The following PRMT8 variants were observed in gnomAD, a reference collection of about 807,000 sequenced individuals.
The protein encoded by PRMT8 is protein arginine methyltransferase 8, also known as protein arginine N-methyltransferase 8.
PRMT8 carries 7 observed loss-of-function variants against 47.1 expected under a neutral mutation model. That is an observed-to-expected ratio of 0.15 (90% confidence interval 0.08 to 0.28). The LOEUF (loss-of-function observed/expected upper bound fraction) is 0.28. Ranked by LOEUF, PRMT8 falls within the 10% of genes least tolerant of loss-of-function variation. PRMT8 has a pLI of 1.00. For synonymous variants in PRMT8, 188 were observed against 186.5 expected (o/e 1.01, Z -0.07); for missense variants, 237 against 505.4 (o/e 0.47, Z 5.09).
intron 1 of PRMT8, among the ~76,000 whole-genome samples, chr12:3,443,190 G>A (rs910002717): frequency 1.3e-5 from 2 of 152,150 alleles, no homozygotes; most frequent in Non-Finnish European, 2.9e-5. Flanking sequence ...GGATGCTGCC[G>A]ATGTTTTTCC....
chr12:3,464,899 T>TG (rs1865076802), intron 1 of PRMT8, among the ~76,000 whole-genome samples: 1 of 151,968 alleles, frequency 6.6e-6, no homozygotes, highest in African/African-American at 2.4e-5. Context: ...CCGAGGTGGG[T>TG]GGATCACCTG....
At chr12:3,472,669 G>A (rs1313464984) in intron 1 of PRMT8, among the ~76,000 whole-genome samples, 11 of 152,170 alleles carry the variant, frequency 7.2e-5, no homozygotes, top group Admixed American at 5.2e-4. Flanking sequence ...TCATTAGGCT[G>A]ACTCAAAGGG....
chr12:3,509,082 C>G (rs930187259), intron 1 of PRMT8, among the ~76,000 whole-genome samples: 4 of 152,188 alleles, frequency 2.6e-5, no homozygotes, highest in African/African-American at 9.7e-5. Context: ...CTTGGTTCTC[C>G]TATCACAGCA....
rs903037964 is a variant in PRMT8 at position 3,580,339 on chromosome 12, T to C, written c.829-2719T>C. On this transcript the variant is annotated intron_variant, in intron 7 of 9. Transcript: ENST00000382622. This position sits in a 1 kb window ranked among gnomAD's most constrained non-coding sequence, Gnocchi z 4.6. ...CTGCCAGATGGGGGGTGCGTGTGCG[T>C]GTGTGTGTGTGTGTGTGTGTGTGTG... Among the ~76,000 whole-genome samples, 12 of 126,836 alleles carry C rather than the reference T, an allele frequency of 9.5e-5. No homozygotes were observed. The highest frequency in any genetic ancestry group is 3.5e-4 in the African/African-American group (11 of 31,694). 83.2% of individuals were successfully genotyped at this position (126,836 alleles called of 152,430 possible). A position where few individuals can be genotyped will look rare whatever the true frequency, so the allele number is the denominator to read the frequency against.
chr12:3,539,874 G>C (rs1427473633), intron 1 of PRMT8, among the ~76,000 whole-genome samples: 5 of 152,152 alleles, frequency 3.3e-5, no homozygotes, highest in African/African-American at 1.2e-4. Context: ...AGAAACTAGG[G>C]GGCAAGACAA....
intron 1 of PRMT8, among the ~76,000 whole-genome samples, chr12:3,435,950 A>G (rs1864736972): frequency 6.6e-6 from 1 of 152,034 alleles, no homozygotes; most frequent in African/African-American, 2.4e-5. Flanking sequence ...CCCTGATGAC[A>G]CCCCGTGTCC....
At chr12:3,532,940 G>A (rs1025204830) in intron 1 of PRMT8, among the ~76,000 whole-genome samples, 2 of 152,138 alleles carry the variant, frequency 1.3e-5, no homozygotes, top group African/African-American at 4.8e-5. Context: ...GCTCAGCCGA[G>A]GGTCCTGGGA....
At chr12:3,395,764 C>A (rs1292873730) in intron 1 of PRMT8, among the ~76,000 whole-genome samples, 112 of 150,446 alleles carry the variant, frequency 7.4e-4, no homozygotes, top group Non-Finnish European at 1.3e-3. Flanking sequence ...TCCTGGGTAT[C>A]CTTGTTGACT....
At chr12:3,558,961 C>CCTATCTAT (rs61644721) in intron 4 of PRMT8, among the ~76,000 whole-genome samples, 20,562 of 150,006 alleles carry the variant, frequency 0.14, 1,610 homozygotes, top group East Asian at 0.21. Context: ...TATCTATCTA[C>CCTATCTAT]CTATCTATCT....
chr12:3,429,463 C>T (rs1196187740), intron 1 of PRMT8, among the ~76,000 whole-genome samples: 2 of 152,174 alleles, frequency 1.3e-5, no homozygotes, highest in Non-Finnish European at 2.9e-5. Flanking sequence ...TAACACCACA[C>T]GCACACCACA....
intron 1 of PRMT8, among the ~76,000 whole-genome samples, chr12:3,497,875 T>G (rs1204134463): frequency 6.6e-6 from 1 of 152,190 alleles, no homozygotes; most frequent in African/African-American, 2.4e-5. Context: ...TCAAATCACT[T>G]AAGTCAGGAG....
intron 1 of PRMT8, among the ~76,000 whole-genome samples, chr12:3,471,024 G>A (rs186168015): frequency 5.3e-4 from 81 of 152,288 alleles, no homozygotes; most frequent in Non-Finnish European, 9.7e-4. Context: ...ATGGTGACAC[G>A]TGTCTAAAGC....
At chr12:3,592,543 C>CA (rs1565452320) in intron 9 of PRMT8, among the ~76,000 whole-genome samples, 191 bp downstream of exon 9, 1 of 152,102 alleles carries the variant, frequency 6.6e-6, no homozygotes, top group Non-Finnish European at 1.5e-5. Context: ...CAAAACTCCG[C>CA]AAATAGAGGT....
chr12:3,408,992 G>A (rs1864400332), intron 1 of PRMT8, among the ~76,000 whole-genome samples: 1 of 152,224 alleles, frequency 6.6e-6, no homozygotes, highest in African/African-American at 2.4e-5. Context: ...CCTTCTTGGT[G>A]TTGGGTTAGA....
chr12:3,454,448 G>C (rs1864952975), intron 1 of PRMT8, among the ~76,000 whole-genome samples: 1 of 152,132 alleles, frequency 6.6e-6, no homozygotes, highest in African/African-American at 2.4e-5. Flanking sequence ...GAGGCCACGT[G>C]ATGTAAAAGC....
intron 1 of PRMT8, among the ~76,000 whole-genome samples, chr12:3,478,615 C>G (rs779796204): frequency 1.3e-5 from 2 of 152,222 alleles, no homozygotes; most frequent in Non-Finnish European, 2.9e-5. Context: ...CTTGCACTGA[C>G]AAAGGCCTAT....
chr12:3,549,826 T>C, intron 2 of PRMT8, 110 bp from the exon 3 acceptor site: 1 of 1,241,250 alleles, frequency 8.1e-7, no homozygotes, highest in Non-Finnish European at 1.1e-6. Flanking sequence ...CTGATGATAT[T>C]ATCGGGTCTC....
chr12:3,437,511 C>T (rs1055960995), intron 1 of PRMT8, among the ~76,000 whole-genome samples: 5 of 151,802 alleles, frequency 3.3e-5, no homozygotes, highest in Non-Finnish European at 5.9e-5. Context: ...GAATCCTCAT[C>T]GTCCTCCCAC....
intron 2 of PRMT8, among the ~76,000 whole-genome samples, chr12:3,544,250 C>G (rs1866286316): frequency 6.6e-6 from 1 of 152,160 alleles, no homozygotes; most frequent in Non-Finnish European, 1.5e-5. Flanking sequence ...GATAGAGGAC[C>G]TCTTCTTTTG....
Sources: allele counts gnomAD v4.1 joint callset (sites outside exome capture counted in the v4.1 genomes callset), GRCh38; gene constraint gnomAD v4.1.1; non-coding constraint Gnocchi (gnomAD v3.1); transcripts MANE v1.5; gene names NCBI Gene and HGNC (gene_info 2026-07-23, HGNC 2026-07-21).